The following DZIP3 variants were observed in gnomAD, a reference collection of about 807,000 sequenced individuals.
DZIP3 encodes E3 ubiquitin-protein ligase DZIP3.
Under a neutral mutation model 162.0 loss-of-function variants are expected in DZIP3, and 118 were observed. That is an observed-to-expected ratio of 0.73 (90% CI 0.63 to 0.85). The LOEUF (loss-of-function observed/expected upper bound fraction) is 0.85, where lower values mean the gene tolerates loss of function less well. DZIP3 is among the 40% of genes least tolerant of loss of function. The pLI, the probability that DZIP3 is intolerant of heterozygous loss-of-function variation, is 0.00. For missense variants in DZIP3, 1,331 were observed against 1,407.0 expected (o/e 0.95, Z 0.86); for synonymous variants, 438 against 458.6 (o/e 0.96, Z 0.57).
At chr3:108,687,067 A>G (rs572256444) in intron 28 of DZIP3, among the ~76,000 whole-genome samples, 1 of 152,298 alleles carries the variant, frequency 6.6e-6, no homozygotes, top group African/African-American at 2.4e-5. Context: ...TTCACAGTCT[A>G]CCTTTAGTAG....
Position 108,642,479 on chromosome 3 carries a change from T to G in DZIP3, c.1106T>G (p.Ile369Arg). Residue 369 changes from isoleucine to arginine, a missense_variant, in exon 13 of 33, where the codon ATA (isoleucine) becomes AGA (arginine). By Grantham distance (97) the Ile-to-Arg change is moderately conservative. Around this residue, in one of 2 missense-constraint regions of DZIP3, gnomAD observed 1,278 missense variants for 1,317.1 expected, o/e 0.97. Coordinates refer to ENST00000361582, the MANE Select transcript of DZIP3 (RefSeq NM_014648.4). Reference sequence around the variant, plus strand: ...TCTCTGAAAATAACTGATACTGATATAAGACCGAAGATCAGTTTAAAATTT... The same window carrying G: ...TCTCTGAAAATAACTGATACTGATAGAAGACCGAAGATCAGTTTAAAATTT... ...LISLKITDTD[I>R]RPKISLKFNT... 2 of 1,487,130 alleles carry G rather than the reference T, an allele frequency of 1.3e-6. No individual in the cohort carries two copies. Among genetic ancestry groups the G allele is most frequent in the Non-Finnish European group, 1.8e-6 (2 of 1,097,244 alleles). 92.1% of individuals were successfully genotyped at this position (1,487,130 alleles called of 1,614,324 possible).
At position 108,625,953 on chromosome 3, in the gene DZIP3, C is replaced by T. The variant is rs1941572441; in HGVS notation, c.565C>T (p.Arg189Ter). The part of the protein sequence containing the change: ...SLVYFGRGLL[R>*]CAQKRYNGGL... Reference sequence around the variant, plus strand: ...AGTTTATTTTGGACGTGGTTTACTGCGATGTGCTCAAAAGAGGTAAGGATT... The same window carrying T: ...AGTTTATTTTGGACGTGGTTTACTGTGATGTGCTCAAAAGAGGTAAGGATT... Residue 189 changes from arginine to a stop codon, truncating the protein, a stop_gained, in exon 7 of 33, where the codon CGA (arginine) becomes TGA (stop). Coordinates refer to ENST00000361582, the MANE Select transcript of DZIP3 (RefSeq NM_014648.4). LOFTEE classifies it high-confidence loss of function. 3 of 1,612,398 alleles carry T rather than the reference C, an allele frequency of 1.9e-6. No homozygotes were observed. The highest frequency in any genetic ancestry group is 1.3e-5 in the African/African-American group (1 of 74,806).
intron 19 of DZIP3, 60 bp downstream of exon 19, chr3:108,654,370 C>T: frequency 6.3e-7 from 1 of 1,575,440 alleles, no homozygotes; most frequent in Non-Finnish European, 8.7e-7. Context: ...TTTCCTGTGA[C>T]TCTTTAAACA....
At chr3:108,601,731 T>C (rs1940029911) in intron 1 of DZIP3, among the ~76,000 whole-genome samples, 1 of 152,154 alleles carries the variant, frequency 6.6e-6, no homozygotes, top group African/African-American at 2.4e-5. Context: ...TGGATAAACA[T>C]AGAGATTGAC....
chr3:108,670,286 G>A (rs550607106), intron 22 of DZIP3, among the ~76,000 whole-genome samples: 3 of 151,966 alleles, frequency 2.0e-5, no homozygotes, highest in African/African-American at 4.8e-5. Flanking sequence ...CCCATTAGAT[G>A]TCATTCCCTA....
chr3:108,632,864 A>G (rs1379119424), intron 8 of DZIP3, 89 bp from the exon 9 acceptor site: 8 of 729,916 alleles, frequency 1.1e-5, no homozygotes, highest in Non-Finnish European at 1.6e-5. Flanking sequence ...ATATGGACAT[A>G]TTACCAAGGT....
In DZIP3 at chr3:108,636,675, G is replaced by A. The variant is rs1198672750; in HGVS notation, c.978G>A (p.Leu326=). 1.9e-6 allele frequency: 3 copies of A among 1,585,936 alleles called. No homozygotes were observed. Among genetic ancestry groups the A allele is most frequent in the Non-Finnish European group, 1.7e-6 (2 of 1,171,144 alleles). ...EGCTGDMVRM[L]QCDVPGIVKI... is the part of the protein sequence containing the mutation. ...GTACAGGTGACATGGTAAGGATGCTGCAATGTGATGTACCTGGAATTGTTA... is the reference window on the plus strand; with the variant it reads ...GTACAGGTGACATGGTAAGGATGCTACAATGTGATGTACCTGGAATTGTTA... Residue 326 remains leucine (L), a synonymous_variant, in exon 11 of 33, where the codon CTG becomes CTA. Transcript: ENST00000361582.
intron 1 of DZIP3, chr3:108,603,229 C>A (rs1344243956): frequency 6.6e-6 from 1 of 152,158 alleles, no homozygotes; most frequent in Admixed American, 6.5e-5. Context: ...CATTTGTATT[C>A]TCTAGGTATG....
intron 1 of DZIP3, among the ~76,000 whole-genome samples, chr3:108,597,059 A>G (rs931526619): frequency 3.3e-5 from 5 of 152,232 alleles, no homozygotes; most frequent in African/African-American, 1.2e-4. Flanking sequence ...AACTAAGTGT[A>G]TGATTAGTGT....
chr3:108,611,739 G>A (rs1940716526), intron 4 of DZIP3, among the ~76,000 whole-genome samples: 1 of 152,160 alleles, frequency 6.6e-6, no homozygotes, highest in African/African-American at 2.4e-5. Flanking sequence ...ACCGAGGTGA[G>A]TGGATCACTG....
Position 108,648,072 on chromosome 3 carries a change from C to A in DZIP3, c.1922C>A (p.Pro641His). The A allele has an allele frequency of 6.2e-7, 1 of 1,607,080 alleles. No homozygotes were observed. The change falls in exon 16 of 33, where the codon CCC (proline) becomes CAC (histidine). Residue 641 changes from proline to histidine, a missense_variant. Physicochemically the swap from Pro to His is moderately conservative, Grantham distance 77. Transcript: ENST00000361582. ...AEINKDGTSI[P>H]SESSTESLKD... Reference sequence around the variant, plus strand: ...ATTAATAAAGATGGGACCTCAATACCCAGTGAATCTTCAACAGAATCTCTT... The same window carrying A: ...ATTAATAAAGATGGGACCTCAATACACAGTGAATCTTCAACAGAATCTCTT...
At chr3:108,645,646 A>C in intron 14 of DZIP3, among the ~76,000 whole-genome samples, 1 of 152,200 alleles carries the variant, frequency 6.6e-6, no homozygotes, top group East Asian at 1.9e-4. Flanking sequence ...CAGCCTAATG[A>C]ACAACTGATA....
At chr3:108,665,237 C>T (rs1046431762) in intron 21 of DZIP3, among the ~76,000 whole-genome samples, 1 of 151,880 alleles carries the variant, frequency 6.6e-6, no homozygotes, top group Non-Finnish European at 1.5e-5. Flanking sequence ...AATCTTGAGA[C>T]AAATGAAAAC....
chr3:108,662,292 C>T lies in DZIP3; in HGVS notation c.2423+35C>T, dbSNP rs765641568. 23 of 1,559,096 alleles carry T rather than the reference C, an allele frequency of 1.5e-5. No homozygotes were observed. The South Asian group carries it at 2.2e-4, about 15-fold the overall frequency. On this transcript the variant is annotated intron_variant, in intron 21 of 32. Coordinates refer to ENST00000361582, the MANE Select transcript of DZIP3 (RefSeq NM_014648.4). ...AATCTTTTGATAAAGGGAAATTCTG[C>T]GCCGTAATAAACAGTATCTTTAATA...
At chr3:108,657,290 T>C in intron 19 of DZIP3, among the ~76,000 whole-genome samples, 1 of 152,202 alleles carries the variant, frequency 6.6e-6, no homozygotes, top group Non-Finnish European at 1.5e-5. Context: ...AGCTGATCTC[T>C]TGGCAGAAAC....
At chr3:108,624,146 G>A (rs887166001) in intron 5 of DZIP3, among the ~76,000 whole-genome samples, 2 of 152,182 alleles carry the variant, frequency 1.3e-5, no homozygotes, top group Admixed American at 6.5e-5. Context: ...TCAGTGTGGT[G>A]TTCCTGTGTT....
intron 11 of DZIP3, among the ~76,000 whole-genome samples, chr3:108,637,026 A>G (rs1039323822): frequency 3.3e-5 from 5 of 152,052 alleles, no homozygotes; most frequent in Non-Finnish European, 7.4e-5. Context: ...AAGGTTAAAA[A>G]TAATTTTAGA....
chr3:108,690,089 T>A (rs73850579), intron 31 of DZIP3, among the ~76,000 whole-genome samples: 2 of 152,228 alleles, frequency 1.3e-5, no homozygotes, highest in African/African-American at 4.8e-5. Context: ...AGGAAATACA[T>A]GTTTAACAAA....
chr3:108,644,862 A>C, intron 14 of DZIP3, 81 bp downstream of exon 14: 1 of 1,350,384 alleles, frequency 7.4e-7, no homozygotes, highest in Non-Finnish European at 1.0e-6. Context: ...TGCAAAGGGC[A>C]AGAGATTCAG....
Sources: gnomAD v4.1 joint callset for allele counts (sites outside exome capture counted in the v4.1 genomes callset) on GRCh38, gnomAD v4.1.1 for gene constraint, gnomAD v4.1.1 regional missense constraint, MANE v1.5 for transcripts, NCBI Gene and HGNC (gene_info 2026-07-23, HGNC 2026-07-21) for gene names.